ZGRF1: variants seen among roughly 807,000 people sequenced by gnomAD.
The protein encoded by ZGRF1 is 5'-3' DNA helicase ZGRF1.
A neutral mutation model predicts 203.5 loss-of-function variants in ZGRF1; 196 were observed. The observed-to-expected ratio is 0.96, with a 90% confidence interval of 0.86 to 1.08. The LOEUF (loss-of-function observed/expected upper bound fraction) is 1.08. Ranked by LOEUF, ZGRF1 falls within the 50% of genes least tolerant of loss-of-function variation. The pLI is 0.00. For missense variants in ZGRF1, 2,326 were observed against 2,416.3 expected (o/e 0.96, Z 0.78); for synonymous variants, 809 against 841.3 (o/e 0.96, Z 0.66).
chr4:112,630,579 T>C (rs2047375172), intron 3 of ZGRF1, among the ~76,000 whole-genome samples: 1 of 151,976 alleles, frequency 6.6e-6, no homozygotes, highest in African/African-American at 2.4e-5. Context: ...GGGACTTCAT[T>C]CAGGAGGCCA....
At chr4:112,619,814 G>T in intron 5 of ZGRF1, 124 bp from the exon 6 acceptor site, 1 of 958,560 alleles carries the variant, frequency 1.0e-6, no homozygotes. Flanking sequence ...TAATAATTCA[G>T]ATTTAAAGTT....
chr4:112,612,414 G>T (rs1476871538), intron 7 of ZGRF1, 110 bp downstream of exon 7: 1 of 646,128 alleles, frequency 1.5e-6, no homozygotes, highest in Non-Finnish European at 2.7e-6. Context: ...AGATACAGCA[G>T]GAGTCATGAA....
intron 6 of ZGRF1, among the ~76,000 whole-genome samples, chr4:112,616,038 C>A (rs1056482626): frequency 4.6e-5 from 7 of 152,078 alleles, no homozygotes; most frequent in Non-Finnish European, 1.0e-4. Flanking sequence ...TTATATTTTT[C>A]TCAGGAATCA....
At chr4:112,590,897 C>T (rs1338420793) in intron 10 of ZGRF1, among the ~76,000 whole-genome samples, 1 of 149,436 alleles carries the variant, frequency 6.7e-6, no homozygotes, top group Non-Finnish European at 1.5e-5. Context: ...TACACTCCAG[C>T]CTAGGCAACA....
At chr4:112,627,923 A>G (rs1476001439) in intron 3 of ZGRF1, among the ~76,000 whole-genome samples, 1 of 152,200 alleles carries the variant, frequency 6.6e-6, no homozygotes, top group Non-Finnish European at 1.5e-5. Context: ...AAATGCTTAT[A>G]GTTCCCCACA....
At chr4:112,616,474 G>A (rs1481645509) in intron 6 of ZGRF1, among the ~76,000 whole-genome samples, 5 of 149,650 alleles carry the variant, frequency 3.3e-5, no homozygotes, top group African/African-American at 9.9e-5. Flanking sequence ...GCAGTGAGCC[G>A]AGATCGCACC....
chr4:112,585,849 G>T, intron 13 of ZGRF1, 124 bp from the exon 14 acceptor site: 6 of 482,704 alleles, frequency 1.2e-5, no homozygotes, highest in Non-Finnish European at 1.6e-5. Context: ...AGGAATATCC[G>T]TTTTTAAAAG....
At chr4:112,600,704 T>C (rs1375282336) in intron 10 of ZGRF1, among the ~76,000 whole-genome samples, 1 of 152,114 alleles carries the variant, frequency 6.6e-6, no homozygotes, top group Non-Finnish European at 1.5e-5. Flanking sequence ...CTGGAATGTG[T>C]GTAGACTTGC....
chr4:112,636,240 TATACATAC>T (rs1010082101), intron 1 of ZGRF1, among the ~76,000 whole-genome samples: 1 of 152,152 alleles, frequency 6.6e-6, no homozygotes, highest in Non-Finnish European at 1.5e-5. Flanking sequence ...GTGATAATTA[TATACATAC>T]ATACATACAC....
chr4:112,566,449 C>T (rs924851039), intron 16 of ZGRF1, among the ~76,000 whole-genome samples: 1 of 150,708 alleles, frequency 6.6e-6, no homozygotes, highest in East Asian at 2.0e-4. Context: ...ATGTAACTAA[C>T]CTGCACAATG....
chr4:112,590,071 A>G (rs1747896388), intron 10 of ZGRF1, among the ~76,000 whole-genome samples, 197 bp from the exon 11 acceptor site: 1 of 152,228 alleles, frequency 6.6e-6, no homozygotes, highest in South Asian at 2.1e-4. Flanking sequence ...GAATAACAGT[A>G]AAATACAGAG....
In ZGRF1 at chr4:112,617,948, A is replaced by T; in HGVS notation, c.2094T>A (p.Ile698=). Residue 698 remains isoleucine (I), a synonymous_variant, in exon 6 of 28, where the codon ATT becomes ATA. Coordinates refer to ENST00000505019, the MANE Select transcript of ZGRF1 (RefSeq NM_018392.5). ...NLHIPHIQNQ[I]AENSNLFSED... is the part of the protein sequence containing the mutation. ...CTGAAAATAGATTACTGTTTTCAGCAATCTGGTTTTGAATATGAGGAATAT... is the reference window on the plus strand; with the variant it reads ...CTGAAAATAGATTACTGTTTTCAGCTATCTGGTTTTGAATATGAGGAATAT... The T allele has an allele frequency of 6.2e-7, 1 of 1,613,414 alleles. No individual in the cohort carries two copies. The highest frequency in any genetic ancestry group is 8.5e-7 in the Non-Finnish European group (1 of 1,179,966).
Position 112,539,390 on chromosome 4 carries a change from A to T in ZGRF1, c.*157T>A, listed in dbSNP as rs1737089228. 1 of 454,232 alleles carries T rather than the reference A, an allele frequency of 2.2e-6. No individual in the cohort carries two copies. 28.1% of individuals were successfully genotyped at this position (454,232 alleles called of 1,614,324 possible). ...AGTAGGATTTTATACTACCTTTTGT[A>T]CACTTTTTTGAAGAACAAAATTTTT... On this transcript the variant is annotated 3_prime_UTR_variant, in exon 28 of 28. Transcript: ENST00000505019.
chr4:112,625,149 T>C (rs2047190788), intron 3 of ZGRF1, among the ~76,000 whole-genome samples: 1 of 152,132 alleles, frequency 6.6e-6, no homozygotes, highest in Non-Finnish European at 1.5e-5. Context: ...TAGCCAGACA[T>C]GGTGGTGCAA....
chr4:112,594,380 AC>A (rs1205800229), intron 10 of ZGRF1, among the ~76,000 whole-genome samples: 2 of 149,664 alleles, frequency 1.3e-5, no homozygotes, highest in African/African-American at 4.9e-5. Flanking sequence ...TACTGTTGGG[AC>A]TCTTTTTCTA....
chr4:112,599,694 C>G (rs1036853426), intron 10 of ZGRF1, among the ~76,000 whole-genome samples: 1 of 151,896 alleles, frequency 6.6e-6, no homozygotes, highest in African/African-American at 2.4e-5. Flanking sequence ...TGCACTTCAG[C>G]CTGGGTGACA....
In ZGRF1 at chr4:112,601,541, T is replaced by C. The variant is rs368221629; in HGVS notation, c.2976+1983A>G. On this transcript the variant is annotated intron_variant, in intron 10 of 27. Coordinates refer to ENST00000505019, the MANE Select transcript of ZGRF1 (RefSeq NM_018392.5). ...GTGAGCTGAGATCACGCCACTGCACTCCAGACTGGGTGACAGAGCAAGACC... is the reference window on the plus strand; with the variant it reads ...GTGAGCTGAGATCACGCCACTGCACCCCAGACTGGGTGACAGAGCAAGACC... Among the ~76,000 whole-genome samples, 8 of 149,698 alleles carry C rather than the reference T, an allele frequency of 5.3e-5. No homozygotes were observed. In the East Asian group the frequency reaches 1.2e-3, roughly 22 times the overall value.
At chr4:112,589,965 A>C in intron 10 of ZGRF1, 91 bp from the exon 11 acceptor site, 1 of 955,450 alleles carries the variant, frequency 1.0e-6, no homozygotes, top group Non-Finnish European at 1.5e-6. Context: ...TATTATAAAA[A>C]TAATGATTTA....
chr4:112,633,267 T>C lies in ZGRF1; in HGVS notation c.-66-25A>G. On this transcript the variant is annotated intron_variant, in intron 1 of 27. Transcript: ENST00000505019. Reference sequence around the variant, plus strand: ...CCTAAAATTAAAAATGACATAAAATTTCAACCCTGATTTTTAAAAAATATC... The same window carrying C: ...CCTAAAATTAAAAATGACATAAAATCTCAACCCTGATTTTTAAAAAATATC... The C allele has an allele frequency of 6.7e-6, 7 of 1,052,204 alleles. No homozygotes were observed. The South Asian group carries it at 9.8e-5, about 15-fold the overall frequency. 65.2% of individuals were successfully genotyped at this position (1,052,204 alleles called of 1,614,324 possible).
Sources: gnomAD v4.1 joint callset for allele counts (sites outside exome capture counted in the v4.1 genomes callset) on GRCh38, gnomAD v4.1.1 for gene constraint, MANE v1.5 for transcripts, NCBI Gene and HGNC (gene_info 2026-07-23, HGNC 2026-07-21) for gene names.